Variants in PRDM16 observed in about 807,000 individuals in gnomAD.
PRDM16 encodes the protein PR/SET domain 16, also known as histone-lysine N-methyltransferase PRDM16.
Under a neutral mutation model 110.6 loss-of-function variants are expected in PRDM16, and 23 were observed. The observed-to-expected ratio is 0.21, with a 90% CI of 0.15 to 0.29. The LOEUF is 0.29. PRDM16 is among the 10% of genes least tolerant of loss of function. The pLI is 1.00. For missense variants in PRDM16, 1,615 were observed against 1,794.3 expected, an observed-to-expected ratio of 0.90 and a Z score of 1.81; for synonymous variants, 799 against 781.8, an observed-to-expected ratio of 1.02 and a Z score of -0.37.
chr1:3,262,602 A>C (rs1640186220), intron 3 of PRDM16, among the ~76,000 whole-genome samples: 1 of 152,192 alleles, frequency 6.6e-6, no homozygotes, highest in African/African-American at 2.4e-5. Context: ...ATGAAGTTGG[A>C]GGGATGGGGT....
intron 8 of PRDM16, among the ~76,000 whole-genome samples, chr1:3,408,342 G>T (rs1329495465): frequency 1.3e-5 from 2 of 152,204 alleles, no homozygotes; most frequent in African/African-American, 4.8e-5. Flanking sequence ...GTGTGTGCAT[G>T]GGTGTAAGAG....
chr1:3,276,258 C>T (rs1474199478), intron 3 of PRDM16, among the ~76,000 whole-genome samples: 2 of 152,264 alleles, frequency 1.3e-5, no homozygotes, highest in Non-Finnish European at 2.9e-5. Flanking sequence ...TGGGCAGCCC[C>T]CCGGCCCCCG....
At chr1:3,404,661 C>G in intron 6 of PRDM16, 78 bp from the exon 7 acceptor site, 1 of 1,569,670 alleles carries the variant, frequency 6.4e-7, no homozygotes, top group Non-Finnish European at 8.6e-7. Flanking sequence ...GCACTGGGAA[C>G]AAGCTGTATG....
Position 3,425,303 on chromosome 1 carries a change from C to CA in PRDM16, c.2940-278_2940-277insA, listed in dbSNP as rs902887934. The CA allele has an allele frequency of 2.3e-5, 7 of 298,586 alleles. No individual in the cohort carries two copies. The highest frequency in any genetic ancestry group is 1.5e-4 in the African/African-American group (7 of 46,550). The allele number at this position is 298,586 out of a possible 1,614,324, so 18.5% of individuals were successfully genotyped here. A position where few individuals can be genotyped will look rare whatever the true frequency, so the allele number is the denominator to read the frequency against. Reference sequence around the variant, plus strand: ...CCATGTCAGCCAGGATGGTCTCGATCTCCTGACCTCGTGATCCACCCGCCT... The same window carrying CA: ...CCATGTCAGCCAGGATGGTCTCGATCATCCTGACCTCGTGATCCACCCGCCT... On this transcript the variant is annotated intron_variant, in intron 12 of 16. Transcript: ENST00000270722. This position sits in a 1 kb window ranked among gnomAD's most constrained non-coding sequence, Gnocchi z 6.9.
At position 3,293,914 on chromosome 1, in the gene PRDM16, C is replaced by T. The variant is rs1049620248; in HGVS notation, c.438+49777C>T. Among the ~76,000 whole-genome samples, 4 of 152,166 alleles carry T rather than the reference C, an allele frequency of 2.6e-5. 1 individual carries two copies. The highest frequency in any genetic ancestry group is 2.0e-4 in the Admixed American group (3 of 15,288). ...GGCACCCCCGTAATCCCAGCACACT[C>T]GTGGGTGCCGGCAGTGTGTGAGTGC... On this transcript the variant is annotated intron_variant, in intron 3 of 16. Coordinates refer to ENST00000270722, the MANE Select transcript of PRDM16 (RefSeq NM_022114.4).
chr1:3,349,509 T>C (rs1452901685), intron 3 of PRDM16, among the ~76,000 whole-genome samples: 3 of 152,170 alleles, frequency 2.0e-5, no homozygotes, highest in African/African-American at 7.2e-5. Flanking sequence ...CCATGGGGCT[T>C]GGCTCCGAGC....
chr1:3,295,444 CGAG>C (rs1008319836), intron 3 of PRDM16, among the ~76,000 whole-genome samples: 2 of 152,144 alleles, frequency 1.3e-5, no homozygotes, highest in Non-Finnish European at 2.9e-5. Flanking sequence ...CCAGATCCCT[CGAG>C]GACCCCCTAC....
intron 3 of PRDM16, among the ~76,000 whole-genome samples, chr1:3,270,993 C>T (rs1005158643): frequency 5.9e-5 from 9 of 152,164 alleles, no homozygotes; most frequent in South Asian, 2.1e-4. Flanking sequence ...GGGCCCTGTT[C>T]GCTGAGTCTG....
intron 3 of PRDM16, among the ~76,000 whole-genome samples, chr1:3,256,592 C>G (rs554109223): frequency 1.1e-3 from 161 of 152,346 alleles, no homozygotes; most frequent in African/African-American, 3.4e-3. Flanking sequence ...GGCGTGGTGG[C>G]TCATGCCTGT....
rs928125696 is a variant in PRDM16 at position 3,435,978 on chromosome 1, G to A, written c.*2167G>A. 4.8e-5 allele frequency: 11 copies of A among 230,334 alleles called. No homozygotes were observed. Among genetic ancestry groups the A allele is most frequent in the East Asian group, 6.2e-5 (1 of 16,244 alleles). 14.3% of individuals were successfully genotyped at this position (230,334 alleles called of 1,614,324 possible). ...GGAGCTGCCTGCAGAAGAGCCAGCT[G>A]GCGTGTCGGGAAGGATCCAGGATCT... On this transcript the variant is annotated 3_prime_UTR_variant, in exon 17 of 17. Coordinates refer to ENST00000270722, the MANE Select transcript of PRDM16 (RefSeq NM_022114.4).
chr1:3,126,019 C>G (rs754645176), intron 1 of PRDM16, among the ~76,000 whole-genome samples: 2 of 152,226 alleles, frequency 1.3e-5, no homozygotes, highest in East Asian at 1.9e-4. Flanking sequence ...GTAGAGAGCC[C>G]GGGCAGTTAT....
At chr1:3,305,324 A>G (rs1211169442) in intron 3 of PRDM16, among the ~76,000 whole-genome samples, 1 of 152,122 alleles carries the variant, frequency 6.6e-6, no homozygotes, top group Non-Finnish European at 1.5e-5. Flanking sequence ...CAGGGACCTG[A>G]TGGGACGGGG....
chr1:3,335,187 C>T (rs548382922), intron 3 of PRDM16, among the ~76,000 whole-genome samples: 2 of 152,236 alleles, frequency 1.3e-5, no homozygotes, highest in Non-Finnish European at 1.5e-5. Context: ...ACAGCCCCAG[C>T]GTCCTGCTCT....
In PRDM16 at chr1:3,261,209, C is replaced by T. The variant is rs909439422; in HGVS notation, c.438+17072C>T. ...CCTGGTCCTCTTAGGTGACCTCTCA[C>T]ACAGAGAAGCGGGCCTTGGGGAGTG... is the stretch of plus-strand genomic sequence containing the variant. On this transcript the variant is annotated intron_variant, in intron 3 of 16. Transcript: ENST00000270722. Among the ~76,000 whole-genome samples the T allele has an allele frequency of 2.2e-4, 33 of 151,474 alleles. 1 individual carries two copies. Among genetic ancestry groups the T allele is most frequent in the African/African-American group, 7.3e-4 (30 of 41,292 alleles).
At chr1:3,073,366 A>C (rs1641813257) in intron 1 of PRDM16, among the ~76,000 whole-genome samples, 1 of 152,262 alleles carries the variant, frequency 6.6e-6, no homozygotes, top group Admixed American at 6.5e-5. Flanking sequence ...GTATAATTAG[A>C]GTTTCAACAA....
chr1:3,155,849 G>A (rs1643851799), intron 1 of PRDM16, among the ~76,000 whole-genome samples: 1 of 152,214 alleles, frequency 6.6e-6, no homozygotes, highest in Admixed American at 6.5e-5. Flanking sequence ...AGAGCAGCAG[G>A]CACCCCTGCG....
At chr1:3,384,566 T>A (rs868689) in intron 3 of PRDM16, among the ~76,000 whole-genome samples, 1 of 152,158 alleles carries the variant, frequency 6.6e-6, no homozygotes, top group African/African-American at 2.4e-5. Context: ...CCAAGTTGGT[T>A]CGCGTGTGAC....
At chr1:3,419,504 G>A (rs1638372125) in intron 12 of PRDM16, among the ~76,000 whole-genome samples, 1 of 152,144 alleles carries the variant, frequency 6.6e-6, no homozygotes, top group Non-Finnish European at 1.5e-5. Context: ...CCTGGGAGTG[G>A]GCATTTTAAG....
intron 10 of PRDM16, among the ~76,000 whole-genome samples, chr1:3,415,451 C>A (rs1051552140): frequency 6.6e-6 from 1 of 152,280 alleles, no homozygotes. Context: ...ACGGGCCCCC[C>A]ACCTGGTTTG....
Sources: allele counts gnomAD v4.1 joint callset (sites outside exome capture counted in the v4.1 genomes callset), GRCh38; gene constraint gnomAD v4.1.1; non-coding constraint Gnocchi (gnomAD v3.1); transcripts MANE v1.5; gene names NCBI Gene and HGNC (gene_info 2026-07-23, HGNC 2026-07-21).